The following C8orf34 variants were observed in gnomAD, a reference collection of about 807,000 sequenced individuals.
C8orf34 encodes the protein chromosome 8 open reading frame 34.
A neutral mutation model predicts 68.3 loss-of-function variants in C8orf34; 65 were observed. That is an observed-to-expected ratio of 0.95 (90% confidence interval 0.78 to 1.17). C8orf34 has a LOEUF of 1.17. Ranked by LOEUF, C8orf34 falls within the 50% of genes most tolerant of loss-of-function variation. The pLI is 0.00. For missense variants in C8orf34, 664 were observed against 655.4 expected (o/e 1.01, Z -0.14); for synonymous variants, 244 against 241.2 (o/e 1.01, Z -0.11).
intron 7 of C8orf34, among the ~76,000 whole-genome samples, chr8:68,573,201 A>G (rs986639432): frequency 6.6e-6 from 1 of 152,088 alleles, no homozygotes; most frequent in African/African-American, 2.4e-5. Flanking sequence ...CTCCTACTGA[A>G]CAGAGTATAC....
intron 10 of C8orf34, among the ~76,000 whole-genome samples, chr8:68,752,952 A>G (rs1822750455): frequency 6.6e-6 from 1 of 152,196 alleles, no homozygotes; most frequent in Non-Finnish European, 1.5e-5. Context: ...TCAAGAAACC[A>G]TCCATATATT....
At position 68,525,612 on chromosome 8, in the gene C8orf34, C is replaced by T. The variant is rs138044435; in HGVS notation, c.938+3641C>T. On this transcript the variant is annotated intron_variant, in intron 6 of 13. Coordinates refer to ENST00000518698, the MANE Select transcript of C8orf34 (RefSeq NM_052958.4). ...GCTGAGGTTGTCAGTACAATGAAAC[C>T]GAACTGGTCAGATGGGAGCAGATTA... The T allele has an allele frequency of 9.2e-4, 756 of 820,918 alleles. 5 individuals are homozygous for T. The African/African-American group carries it at 0.011, about 12-fold the overall frequency. The allele number at this position is 820,918 out of a possible 1,614,324, so 50.9% of individuals were successfully genotyped here.
rs556012080 is a variant in C8orf34 at position 68,699,506 on chromosome 8, G to T, written c.1242-9488G>T. On this transcript the variant is annotated intron_variant, in intron 8 of 13. Coordinates refer to ENST00000518698, the MANE Select transcript of C8orf34 (RefSeq NM_052958.4). Reference sequence around the variant, plus strand: ...TCAGGGAGATTGGAATGTCCCCAGGGTTGTCCTTTGTGCACATAATAACCT... The same window carrying T: ...TCAGGGAGATTGGAATGTCCCCAGGTTTGTCCTTTGTGCACATAATAACCT... Among the ~76,000 whole-genome samples, 3 of 152,144 alleles carry T rather than the reference G, an allele frequency of 2.0e-5. No homozygotes were observed. In the South Asian group the frequency reaches 6.2e-4, roughly 32 times the overall value.
intron 7 of C8orf34, among the ~76,000 whole-genome samples, chr8:68,633,726 A>G (rs1477184636): frequency 6.6e-6 from 1 of 152,174 alleles, no homozygotes; most frequent in Non-Finnish European, 1.5e-5. Flanking sequence ...AATATTTTGG[A>G]GAATATCTTA....
In C8orf34 at chr8:68,534,361, T is replaced by C. The variant is rs950489625; in HGVS notation, c.1105+1212T>C. The C allele has an allele frequency of 5.1e-6, 5 of 978,296 alleles. No individual in the cohort carries two copies. In the African/African-American group the frequency reaches 7.0e-5, roughly 14 times the overall value. 60.6% of individuals were successfully genotyped at this position (978,296 alleles called of 1,614,324 possible). On this transcript the variant is annotated intron_variant, in intron 7 of 13. Transcript: ENST00000518698. ...CAGTGGTAGCTTCATTCAACAAACA[T>C]TTACTGAGCACTTACTCTATGCTAA...
rs538040488 is a variant in C8orf34 at position 68,520,544 on chromosome 8, G to A, written c.766-1255G>A. Among the ~76,000 whole-genome samples, 5 of 152,062 alleles carry A rather than the reference G, an allele frequency of 3.3e-5. No individual in the cohort carries two copies. In the East Asian group the frequency reaches 7.7e-4, roughly 24 times the overall value. On this transcript the variant is annotated intron_variant, in intron 5 of 13. Coordinates refer to ENST00000518698, the MANE Select transcript of C8orf34 (RefSeq NM_052958.4). ...CGGCTCACTGCAAGCTCCACCTCCC[G>A]GGTTCACACCATTCTCCTGCCTCAG...
At chr8:68,653,316 A>G (rs1457240716) in intron 8 of C8orf34, among the ~76,000 whole-genome samples, 2 of 152,232 alleles carry the variant, frequency 1.3e-5, no homozygotes, top group East Asian at 3.9e-4. Context: ...TTCAGAGTTT[A>G]TAGAGTCATT....
At chr8:68,476,390 A>G (rs1812617147) in intron 4 of C8orf34, among the ~76,000 whole-genome samples, 1 of 152,230 alleles carries the variant, frequency 6.6e-6, no homozygotes, top group Non-Finnish European at 1.5e-5. Flanking sequence ...GTACAGTAGG[A>G]GGAGAGTCAA....
At chr8:68,586,857 A>C (rs1817224375) in intron 7 of C8orf34, among the ~76,000 whole-genome samples, 1 of 152,092 alleles carries the variant, frequency 6.6e-6, no homozygotes, top group Non-Finnish European at 1.5e-5. Flanking sequence ...CCAAGGACCA[A>C]ATTAAGTTCT....
chr8:68,608,284 A>C (rs927985401), intron 7 of C8orf34, among the ~76,000 whole-genome samples: 2 of 151,060 alleles, frequency 1.3e-5, no homozygotes, highest in African/African-American at 2.5e-5. Flanking sequence ...GTAGAGATGA[A>C]GGCTGTGGTA....
At chr8:68,736,548 C>T (rs1047704036) in intron 10 of C8orf34, among the ~76,000 whole-genome samples, 4 of 151,952 alleles carry the variant, frequency 2.6e-5, no homozygotes, top group Admixed American at 1.3e-4. Context: ...GATGTAGATT[C>T]TGTGATTATT....
chr8:68,462,615 C>T (rs1483214754), intron 3 of C8orf34, among the ~76,000 whole-genome samples: 1 of 151,830 alleles, frequency 6.6e-6, no homozygotes, highest in Non-Finnish European at 1.5e-5. Flanking sequence ...TGCAATCAAA[C>T]TAGAACTCAG....
At chr8:68,430,977 C>T (rs932917761) in intron 1 of C8orf34, among the ~76,000 whole-genome samples, 1 of 151,994 alleles carries the variant, frequency 6.6e-6, no homozygotes, top group Non-Finnish European at 1.5e-5. Flanking sequence ...TACTCCTTAC[C>T]ACAAACTGAT....
At chr8:68,559,974 T>G (rs1816372084) in intron 7 of C8orf34, among the ~76,000 whole-genome samples, 1 of 152,012 alleles carries the variant, frequency 6.6e-6, no homozygotes, top group African/African-American at 2.4e-5. Context: ...ACAGAGAACA[T>G]GGAAGCATTC....
intron 10 of C8orf34, among the ~76,000 whole-genome samples, chr8:68,772,010 G>A (rs1169306832): frequency 2.6e-5 from 4 of 152,152 alleles, no homozygotes; most frequent in Non-Finnish European, 5.9e-5. Flanking sequence ...AAAATGATGG[G>A]TGAAGTTTTA....
intron 10 of C8orf34, among the ~76,000 whole-genome samples, chr8:68,764,323 A>C (rs1823108578): frequency 6.6e-6 from 1 of 152,186 alleles, no homozygotes; most frequent in African/African-American, 2.4e-5. Context: ...GTCAAGATAC[A>C]GTTTATGTGA....
At chr8:68,347,307 C>T (rs555307791) in intron 1 of C8orf34, among the ~76,000 whole-genome samples, 18 of 152,014 alleles carry the variant, frequency 1.2e-4, no homozygotes, top group African/African-American at 2.7e-4. Flanking sequence ...TCTTTTCTTA[C>T]GGCTGCATAG....
intron 1 of C8orf34, among the ~76,000 whole-genome samples, chr8:68,349,866 G>A (rs961454011): frequency 6.6e-6 from 1 of 150,772 alleles, no homozygotes; most frequent in Admixed American, 6.6e-5. Context: ...TTCTTCATTA[G>A]TCTAGCTAGT....
At chr8:68,461,375 T>C (rs1335452888) in intron 3 of C8orf34, among the ~76,000 whole-genome samples, 2 of 152,176 alleles carry the variant, frequency 1.3e-5, no homozygotes, top group Non-Finnish European at 2.9e-5. Flanking sequence ...CTGCAGGATA[T>C]TATCCAGGAG....
Sources: gnomAD v4.1 joint callset for allele counts (sites outside exome capture counted in the v4.1 genomes callset) on GRCh38, gnomAD v4.1.1 for gene constraint, MANE v1.5 for transcripts, NCBI Gene and HGNC (gene_info 2026-07-23, HGNC 2026-07-21) for gene names.